PPP2R2D: variants seen among roughly 807,000 people sequenced by gnomAD.
PPP2R2D encodes the protein serine/threonine-protein phosphatase 2A 55 kDa regulatory subunit B delta isoform.
A neutral mutation model predicts 31.1 loss-of-function variants in PPP2R2D; 9 were observed. The ratio of observed to expected loss-of-function variants is 0.29; its 90% CI spans 0.17 to 0.51. The LOEUF (loss-of-function observed/expected upper bound fraction) is 0.51. Ranked by LOEUF, PPP2R2D falls within the 20% of genes least tolerant of loss-of-function variation. The pLI is 0.98. For missense variants in PPP2R2D, 391 were observed against 465.6 expected, an observed-to-expected ratio of 0.84 and a Z score of 1.48; for synonymous variants, 179 against 172.6, an observed-to-expected ratio of 1.04 and a Z score of -0.29.
chr10:131,909,596 G>A (rs1243296034), intron 2 of PPP2R2D, among the ~76,000 whole-genome samples: 4 of 152,336 alleles, frequency 2.6e-5, no homozygotes, highest in East Asian at 3.9e-4. Flanking sequence ...ATGGATGGGC[G>A]TGGCTCTGTG....
chr10:131,903,483 A>AGAG (rs2035534855), intron 2 of PPP2R2D, among the ~76,000 whole-genome samples: 1 of 151,890 alleles, frequency 6.6e-6, no homozygotes, highest in African/African-American at 2.4e-5. Context: ...AAAAAAAAAA[A>AGAG]AAAAAAATCT....
At chr10:131,930,674 C>T (rs2036204758) in intron 2 of PPP2R2D, among the ~76,000 whole-genome samples, 1 of 152,204 alleles carries the variant, frequency 6.6e-6, no homozygotes. Context: ...GTGACCTGTT[C>T]ATTTGCTCTG....
At chr10:131,904,506 T>C (rs2035552167) in intron 2 of PPP2R2D, among the ~76,000 whole-genome samples, 1 of 151,620 alleles carries the variant, frequency 6.6e-6, no homozygotes, top group African/African-American at 2.4e-5. Flanking sequence ...CAAGACTTTG[T>C]CTCAAAAAAA....
chr10:131,927,955 G>A (rs1443927656), intron 2 of PPP2R2D, among the ~76,000 whole-genome samples: 1 of 152,222 alleles, frequency 6.6e-6, no homozygotes, highest in Non-Finnish European at 1.5e-5. Context: ...TGTGTCTGGA[G>A]TGGAGTTTCT....
chr10:131,940,730 G>T (rs781948037), intron 5 of PPP2R2D, 36 bp downstream of exon 5: 2 of 744,992 alleles, frequency 2.7e-6, no homozygotes, highest in South Asian at 2.9e-5. Context: ...ATGCTGTTGA[G>T]AAGTTAAGAA....
intron 2 of PPP2R2D, among the ~76,000 whole-genome samples, chr10:131,926,870 G>A (rs1469943626): frequency 1.3e-5 from 2 of 152,176 alleles, no homozygotes; most frequent in Admixed American, 1.3e-4. Context: ...TGATTGGGTG[G>A]GTAATGGTAG....
chr10:131,922,492 A>G (rs1171230277), intron 2 of PPP2R2D, among the ~76,000 whole-genome samples: 6 of 147,832 alleles, frequency 4.1e-5, no homozygotes, highest in African/African-American at 1.3e-4. Context: ...TCACACTGTC[A>G]CCCGGGCTGG....
chr10:131,954,445 G>A (rs1311087740), intron 8 of PPP2R2D, among the ~76,000 whole-genome samples: 2 of 152,296 alleles, frequency 1.3e-5, no homozygotes, highest in South Asian at 4.1e-4. Flanking sequence ...CCAGTCAATG[G>A]CCCTCACGTG....
At position 131,947,765 on chromosome 10, in the gene PPP2R2D, T is replaced by C. The variant is rs782085237; in HGVS notation, c.1056T>C (p.Phe352=). Residue 352 remains phenylalanine (F), a synonymous_variant, in exon 8 of 9, where the codon TTT becomes TTC. Coordinates refer to ENST00000455566, the MANE Select transcript of PPP2R2D (RefSeq NM_018461.5). This position sits in a 1 kb window ranked among gnomAD's most constrained non-coding sequence, Gnocchi z 4.3. ...AGAACGACTGCATCTTTGACAAGTT[T>C]GAGTGTTGCTGGAACGGTTCGGATA... ...LYENDCIFDK[F]ECCWNGSDSA... 11 of 1,614,022 alleles carry C rather than the reference T, an allele frequency of 6.8e-6. No homozygotes were observed. The highest frequency in any genetic ancestry group is 5.9e-6 in the Non-Finnish European group (7 of 1,180,012).
intron 2 of PPP2R2D, among the ~76,000 whole-genome samples, chr10:131,923,934 A>C (rs569656810): frequency 6.6e-6 from 1 of 152,002 alleles, no homozygotes; most frequent in Admixed American, 6.6e-5. Flanking sequence ...CTTTTAAAAA[A>C]TTTTTGATAG....
At chr10:131,910,121 G>T (rs1489797915) in intron 2 of PPP2R2D, among the ~76,000 whole-genome samples, 2 of 152,204 alleles carry the variant, frequency 1.3e-5, no homozygotes, top group South Asian at 2.1e-4. Context: ...ACCATAACTC[G>T]CCAGGTGGCA....
chr10:131,970,452 G>A, the PPP2R2D span: 1 of 818,030 alleles, frequency 1.2e-6, no homozygotes, highest in African/African-American at 1.7e-5. This position sits in a 1 kb window ranked among gnomAD's most constrained non-coding sequence, Gnocchi z 4.1. Flanking sequence ...CGCCTGTGCT[G>A]GGGCCTTTGG....
rs375779986 is a variant in PPP2R2D, at chr10:131,958,909, A to G, written c.*2946A>G. Reference sequence around the variant, plus strand: ...AGATGAAGGCGTGTGCTGATCCCCCATCCCCCTGTGGAGATAAAGGTGTGT... The same window carrying G: ...AGATGAAGGCGTGTGCTGATCCCCCGTCCCCCTGTGGAGATAAAGGTGTGT... On this transcript the variant is annotated 3_prime_UTR_variant, in exon 9 of 9. Transcript: ENST00000455566. 9.1e-5 allele frequency: 8 copies of G among 88,284 alleles called. No homozygotes were observed. The highest frequency in any genetic ancestry group is 1.4e-4 in the Admixed American group (1 of 7,250). The allele number at this position is 88,284 out of a possible 1,614,324, so 5.5% of individuals were successfully genotyped here.
chr10:131,927,691 A>G (rs1486769832), intron 2 of PPP2R2D, among the ~76,000 whole-genome samples: 1 of 151,956 alleles, frequency 6.6e-6, no homozygotes, highest in African/African-American at 2.4e-5. Flanking sequence ...CACATCGGAC[A>G]CCCCGTTCTT....
intron 2 of PPP2R2D, among the ~76,000 whole-genome samples, chr10:131,914,157 G>A (rs1348235623): frequency 6.6e-6 from 1 of 152,256 alleles, no homozygotes; most frequent in East Asian, 1.9e-4. Context: ...TTTGTTTTAA[G>A]TGGGTGGTGA....
At chr10:131,944,263 A>T in intron 6 of PPP2R2D, 118 bp downstream of exon 6, 7 of 749,170 alleles carry the variant, frequency 9.3e-6, no homozygotes, top group Non-Finnish European at 1.5e-5. Context: ...CCATCACTGC[A>T]CAGCAGCCTG....
chr10:131,918,072 C>T (rs1469129323), intron 2 of PPP2R2D, among the ~76,000 whole-genome samples: 1 of 142,670 alleles, frequency 7.0e-6, no homozygotes, highest in Admixed American at 6.9e-5. Flanking sequence ...GGACCTCAGG[C>T]GGGTGGAGTG....
downstream of PPP2R2D, among the ~76,000 whole-genome samples, chr10:131,964,664 A>ATTTTTTT (rs782297365): frequency 1.2e-4 from 15 of 126,750 alleles, 1 homozygote; most frequent in African/African-American, 1.9e-4. Context: ...AGAGTTTACT[A>ATTTTTTT]TGTTTTTTTT....
chr10:131,911,867 T>C (rs949670374), intron 2 of PPP2R2D: 33 of 152,274 alleles, frequency 2.2e-4, no homozygotes, highest in African/African-American at 7.9e-4. Flanking sequence ...CTTTACCAGA[T>C]TGTACTGGTT....
Sources: allele counts gnomAD v4.1 joint callset (sites outside exome capture counted in the v4.1 genomes callset), GRCh38; gene constraint gnomAD v4.1.1; non-coding constraint Gnocchi (gnomAD v3.1); transcripts MANE v1.5; gene names NCBI Gene and HGNC (gene_info 2026-07-23, HGNC 2026-07-21).